PKNOX1: variants seen among roughly 807,000 people sequenced by gnomAD.
PKNOX1 encodes the protein PBX/knotted 1 homeobox 1, also known as homeobox protein PKNOX1.
Under a neutral mutation model 51.9 loss-of-function variants are expected in PKNOX1, and 15 were observed. The ratio of observed to expected loss-of-function variants is 0.29; its 90% CI spans 0.19 to 0.45. The LOEUF (loss-of-function observed/expected upper bound fraction) is 0.45, where lower values mean the gene tolerates loss of function less well. Ranked by LOEUF, PKNOX1 falls within the 20% of genes least tolerant of loss-of-function variation. PKNOX1 has a pLI of 1.00. For missense variants in PKNOX1, 462 were observed against 547.5 expected (o/e 0.84, Z 1.56); for synonymous variants, 219 against 211.1 (o/e 1.04, Z -0.32).
At chr21:43,011,192 C>T (rs370600322) in intron 4 of PKNOX1, among the ~76,000 whole-genome samples, 3 of 151,694 alleles carry the variant, frequency 2.0e-5, no homozygotes, top group Admixed American at 6.6e-5. Context: ...CTCAGCCTCC[C>T]GAGTAGCTGG....
rs868660182 is a variant in PKNOX1, at chr21:42,987,412, T to A, written c.-57+12748T>A. Among the ~76,000 whole-genome samples the A allele has an allele frequency of 1.6e-3, 203 of 123,076 alleles. 2 individuals carry two copies. Among genetic ancestry groups the A allele is most frequent in the African/African-American group, 4.9e-3 (150 of 30,772 alleles). The allele number at this position is 123,076 out of a possible 152,430, so 80.7% of individuals were successfully genotyped here. On this transcript the variant is annotated intron_variant, in intron 1 of 10. Coordinates refer to ENST00000291547, the MANE Select transcript of PKNOX1 (RefSeq NM_004571.5). ...AAAAAAAAAAAAAAAAAAATATATA[T>A]ATATATATATATATATGTATACTCA...
intron 1 of PKNOX1, among the ~76,000 whole-genome samples, chr21:42,975,186 GGGGCTGCTCGGA>G (rs1340827247): frequency 6.8e-6 from 1 of 147,602 alleles, no homozygotes; most frequent in African/African-American, 2.4e-5. Flanking sequence ...CAGGGCCGGC[GGGGCTGCTCGGA>G]GGGTGCGGGG....
intron 1 of PKNOX1, among the ~76,000 whole-genome samples, chr21:42,992,441 C>G (rs1207482658): frequency 6.6e-6 from 1 of 152,232 alleles, no homozygotes; most frequent in East Asian, 1.9e-4. Context: ...TGTGAACCCC[C>G]CGGTCACACT....
intron 1 of PKNOX1, among the ~76,000 whole-genome samples, chr21:42,986,798 G>C (rs2059054395): frequency 6.6e-6 from 1 of 152,280 alleles, no homozygotes; most frequent in South Asian, 2.1e-4. Context: ...CTGTTGTGTT[G>C]TCTTCAGTCG....
intron 2 of PKNOX1, among the ~76,000 whole-genome samples, chr21:43,004,834 G>A (rs1466034679): frequency 6.6e-6 from 1 of 152,162 alleles, no homozygotes; most frequent in Non-Finnish European, 1.5e-5. Context: ...CCCAGTTGTA[G>A]GCATGAGAGG....
intron 2 of PKNOX1, among the ~76,000 whole-genome samples, chr21:43,005,417 G>T (rs1978942839): frequency 1.1e-5 from 1 of 94,354 alleles, no homozygotes; most frequent in African/African-American, 4.7e-5. Context: ...GTTGTTGGTG[G>T]TGGTGGTGTT....
intron 1 of PKNOX1, among the ~76,000 whole-genome samples, chr21:42,974,971 C>T (rs2058984582): frequency 6.8e-6 from 1 of 146,908 alleles, no homozygotes; most frequent in Non-Finnish European, 1.5e-5. Context: ...TGGAAGGCGC[C>T]GCCGCCGCCG....
rs530111075 is a variant in PKNOX1 at position 43,033,202 on chromosome 21, C to T, written c.*3101C>T. ...CTAGCTTGGCCTTTGCGCTTTGATT[C>T]CAGATAGTAAGATGAGTGGAAGTGT... On this transcript the variant is annotated 3_prime_UTR_variant, in exon 11 of 11. Coordinates refer to ENST00000291547, the MANE Select transcript of PKNOX1 (RefSeq NM_004571.5). The T allele has an allele frequency of 3.9e-5, 6 of 152,070 alleles. No individual in the cohort carries two copies. The East Asian group carries it at 1.2e-3, about 29-fold the overall frequency. 9.4% of individuals were successfully genotyped at this position (152,070 alleles called of 1,614,324 possible).
intron 1 of PKNOX1, among the ~76,000 whole-genome samples, chr21:42,982,475 A>G (rs2059031624): frequency 6.6e-6 from 1 of 152,182 alleles, no homozygotes; most frequent in South Asian, 2.1e-4. Context: ...CACGCCTGTA[A>G]TCCCAGCACT....
chr21:43,010,261 G>T, intron 4 of PKNOX1, 37 bp downstream of exon 4: 1 of 1,213,744 alleles, frequency 8.2e-7, no homozygotes, highest in Non-Finnish European at 1.1e-6. Flanking sequence ...TTTTCAAAAT[G>T]TGAAATCTGT....
At chr21:43,014,505 T>C (rs536715011) in intron 5 of PKNOX1, among the ~76,000 whole-genome samples, 37 of 152,362 alleles carry the variant, frequency 2.4e-4, no homozygotes, top group African/African-American at 8.9e-4. Flanking sequence ...TTTTTAATTT[T>C]AATAAAGTTC....
At chr21:43,013,325 C>T in intron 5 of PKNOX1, 87 bp downstream of exon 5, 1 of 1,016,288 alleles carries the variant, frequency 9.8e-7, no homozygotes, top group Non-Finnish European at 1.4e-6. Flanking sequence ...TTTCAGAATT[C>T]ACTGGGTCAT....
chr21:43,002,878 G>A (rs1039706600), intron 1 of PKNOX1, among the ~76,000 whole-genome samples: 10 of 152,168 alleles, frequency 6.6e-5, no homozygotes, highest in Admixed American at 4.6e-4. Context: ...CACCATGCCC[G>A]GCTAATTTTT....
At chr21:43,016,132 C>G (rs1282707142) in intron 5 of PKNOX1, among the ~76,000 whole-genome samples, 1 of 152,218 alleles carries the variant, frequency 6.6e-6, no homozygotes, top group Non-Finnish European at 1.5e-5. Flanking sequence ...GGGGTGGCGT[C>G]CCCTTATGCT....
chr21:43,025,372 G>A (rs1276741261), intron 9 of PKNOX1, among the ~76,000 whole-genome samples: 1 of 152,220 alleles, frequency 6.6e-6, no homozygotes, highest in Non-Finnish European at 1.5e-5. Context: ...TGTTGTTAGT[G>A]GATGAGCCTC....
At chr21:43,019,612 G>A (rs903079982) in intron 7 of PKNOX1, among the ~76,000 whole-genome samples, 6 of 148,886 alleles carry the variant, frequency 4.0e-5, no homozygotes, top group Admixed American at 2.0e-4. Context: ...GTGTGATCTC[G>A]GCTCACTGCA....
chr21:43,027,432 T>C (rs956976036), intron 9 of PKNOX1, among the ~76,000 whole-genome samples: 12 of 152,212 alleles, frequency 7.9e-5, no homozygotes, highest in Admixed American at 2.6e-4. Context: ...TGGTTTGCTA[T>C]CTTTGTCCTC....
At chr21:43,025,283 G>A (rs1477687111) in intron 9 of PKNOX1, among the ~76,000 whole-genome samples, 1 of 152,198 alleles carries the variant, frequency 6.6e-6, no homozygotes, top group Non-Finnish European at 1.5e-5. Context: ...ATTATGGACT[G>A]CATCCTGCCT....
chr21:43,033,404 T>TA lies in PKNOX1; in HGVS notation c.*3304dup, dbSNP rs1330586875. The stretch of plus-strand genomic sequence containing the variant: ...CTTGTGAAGGCCCATTCCTGGCACT[T>TA]AGAGACAGAAAGAACTCAGCAATCT... On this transcript the variant is annotated 3_prime_UTR_variant, in exon 11 of 11. Coordinates refer to ENST00000291547, the MANE Select transcript of PKNOX1 (RefSeq NM_004571.5). The TA allele has an allele frequency of 6.6e-6, 1 of 152,280 alleles. No homozygotes were observed. Among genetic ancestry groups the TA allele is most frequent in the Non-Finnish European group, 1.5e-5 (1 of 67,868 alleles). The allele number at this position is 152,280 out of a possible 1,614,324, so 9.4% of individuals were successfully genotyped here. A position where few individuals can be genotyped will look rare whatever the true frequency, so the allele number is the denominator to read the frequency against.
Sources: gnomAD v4.1 joint callset for allele counts (sites outside exome capture counted in the v4.1 genomes callset) on GRCh38, gnomAD v4.1.1 for gene constraint, MANE v1.5 for transcripts, NCBI Gene and HGNC (gene_info 2026-07-23, HGNC 2026-07-21) for gene names.